Variants in LAT2 observed in about 807,000 individuals in gnomAD.
LAT2 encodes linker for activation of T-cells family member 2.
A neutral mutation model predicts 43.4 loss-of-function variants in LAT2; 23 were observed. The observed-to-expected ratio is 0.53, with a 90% CI of 0.38 to 0.75. The LOEUF (loss-of-function observed/expected upper bound fraction) is 0.75. Ranked by LOEUF, LAT2 falls within the 30% of genes least tolerant of loss-of-function variation. The probability of loss-of-function intolerance (pLI) is 0.00; values close to 1 mark genes in which losing one functional copy is unlikely to be tolerated. For missense variants in LAT2, 284 were observed against 310.2 expected, an observed-to-expected ratio of 0.92 and a Z score of 0.64; for synonymous variants, 128 against 123.2, an observed-to-expected ratio of 1.04 and a Z score of -0.26.
chr7:74,215,874 C>T, intron 2 of LAT2, 73 bp from the exon 3 acceptor site: 2 of 1,036,554 alleles, frequency 1.9e-6, no homozygotes, highest in Middle Eastern at 2.1e-4. Context: ...ATGGGGCTGT[C>T]CGAGCACAGT....
chr7:74,225,124 G>A (rs1563977241), intron 13 of LAT2: 1 of 169,808 alleles, frequency 5.9e-6, no homozygotes, highest in Non-Finnish European at 1.3e-5. Flanking sequence ...CGGGCACGGT[G>A]GCTCACGCCT....
intron 11 of LAT2, 65 bp from the exon 12 acceptor site, chr7:74,223,953 G>A: frequency 6.5e-7 from 1 of 1,544,186 alleles, no homozygotes; most frequent in Non-Finnish European, 8.8e-7. Context: ...CTCGGAGGCA[G>A]CTCTATTGGC....
chr7:74,221,494 A>C, intron 9 of LAT2, 143 bp from the exon 10 acceptor site: 1 of 469,254 alleles, frequency 2.1e-6, no homozygotes, highest in Non-Finnish European at 3.8e-6. Context: ...TGGGGGAATC[A>C]GAGAGGAGAT....
At position 74,220,739 on chromosome 7, in the gene LAT2, G is replaced by C; in HGVS notation, c.332+5G>C. 6.3e-7 allele frequency: 1 copy of C among 1,585,622 alleles called. No homozygotes were observed. The highest frequency in any genetic ancestry group is 8.6e-7 in the Non-Finnish European group (1 of 1,160,914). The stretch of plus-strand genomic sequence containing the variant: ...CGGGTCGGAGGAAGCCTACATGTGA[G>C]TGACCTTGATCCTGTCCCCCCTGCC... On this transcript the variant is annotated splice_donor_5th_base_variant and intron_variant, in intron 9 of 13. Transcript: ENST00000460943. The surrounding 1 kb of genome is among the most constrained non-coding windows in gnomAD (Gnocchi z 4.5).
intron 2 of LAT2, 92 bp from the exon 3 acceptor site, chr7:74,215,855 G>C: frequency 1.1e-6 from 1 of 874,908 alleles, no homozygotes; most frequent in South Asian, 1.3e-5. Flanking sequence ...CCGCAGCCTA[G>C]GCTCAGGTAT....
At position 74,224,691 on chromosome 7, in the gene LAT2, G is replaced by T; in HGVS notation, c.681G>T (p.Glu227Asp). 3 of 1,608,886 alleles carry T rather than the reference G, an allele frequency of 1.9e-6. No homozygotes were observed. Among genetic ancestry groups the T allele is most frequent in the Non-Finnish European group, 2.5e-6 (3 of 1,177,938 alleles). Residue 227 changes from glutamate (E) to aspartate (D), a missense_variant, in exon 13 of 14, where the codon GAG (glutamate) becomes GAT (aspartate). Coordinates refer to ENST00000460943, the MANE Select transcript of LAT2 (RefSeq NM_032464.3). ...SPGPVGSPDE[E>D]DGEPDYVNGE... is the part of the protein sequence containing the mutation. ...GCCCGGTGGGAAGCCCAGACGAGGAGGACGGGGAACCGGATTACGTGAATG... is the reference window on the plus strand; with the variant it reads ...GCCCGGTGGGAAGCCCAGACGAGGATGACGGGGAACCGGATTACGTGAATG...
chr7:74,218,935 T>A (rs1166664755), intron 4 of LAT2, among the ~76,000 whole-genome samples: 1 of 146,988 alleles, frequency 6.8e-6, no homozygotes, highest in Non-Finnish European at 1.5e-5. Context: ...CAACCTCAGG[T>A]GATTCGCCTG....
chr7:74,215,437 T>C (rs915443196), intron 2 of LAT2, among the ~76,000 whole-genome samples: 5 of 151,966 alleles, frequency 3.3e-5, no homozygotes, highest in Non-Finnish European at 7.4e-5. Context: ...GGCTTCCGGG[T>C]GCGTCTGCGT....
chr7:74,226,140 CT>C (rs1268800892), intron 13 of LAT2: 7,988 of 138,574 alleles, frequency 0.058, 579 homozygotes, highest in African/African-American at 0.18. Flanking sequence ...TCTACAAAAA[CT>C]TTTTTTTTTT....
chr7:74,228,153 G>GAGACAGAGCAAGACT, intron 13 of LAT2, among the ~76,000 whole-genome samples: 1 of 126,436 alleles, frequency 7.9e-6, no homozygotes, highest in Middle Eastern at 4.7e-3. Context: ...TCCAGCCTGG[G>GAGACAGAGCAAGACT]CAACTACGTC....
rs782258496 is a variant in LAT2, at chr7:74,224,697, G to A, written c.687G>A (p.Gly229=). The change falls in exon 13 of 14, where the codon GGG becomes GGA. Residue 229 remains glycine (G), a synonymous_variant. Coordinates refer to ENST00000460943, the MANE Select transcript of LAT2 (RefSeq NM_032464.3). ...TGGGAAGCCCAGACGAGGAGGACGG[G>A]GAACCGGATTACGTGAATGGGGAGG... The part of the protein sequence containing the change: ...GPVGSPDEED[G]EPDYVNGEVA... The A allele has an allele frequency of 4.4e-6, 7 of 1,608,144 alleles. No individual in the cohort carries two copies. Among genetic ancestry groups the A allele is most frequent in the South Asian group, 1.1e-5 (1 of 89,830 alleles).
At chr7:74,224,530 G>T in intron 12 of LAT2, 109 bp from the exon 13 acceptor site, 1 of 929,602 alleles carries the variant, frequency 1.1e-6, no homozygotes. Flanking sequence ...GTCGGGCGTG[G>T]CATTTCCCGC....
chr7:74,223,743 C>G lies in LAT2; in HGVS notation c.408C>G (p.Tyr136Ter). The change falls in exon 11 of 14, where the codon TAC becomes TAG. Residue 136 changes from tyrosine to a stop codon, truncating the protein, a stop_gained. Transcript: ENST00000460943. LOFTEE classifies it high-confidence loss of function. ...KPPEDDDANS[Y>*]ENVLICKQKT... ...CTGCAGATGATGATGCCAATTCCTA[C>G]GAGAATGTGCTCATTTGCAAGCAGA... is the stretch of plus-strand genomic sequence containing the variant. 2 of 1,613,954 alleles carry G rather than the reference C, an allele frequency of 1.2e-6. No homozygotes were observed. Among genetic ancestry groups the G allele is most frequent in the Non-Finnish European group, 1.7e-6 (2 of 1,179,954 alleles).
At chr7:74,219,193 C>T (rs964389077) in intron 4 of LAT2, among the ~76,000 whole-genome samples, 3 of 151,478 alleles carry the variant, frequency 2.0e-5, no homozygotes, top group South Asian at 2.1e-4. Context: ...CCCGCCACCG[C>T]GCCCGGCTAA....
intron 2 of LAT2, among the ~76,000 whole-genome samples, 161 bp from the exon 3 acceptor site, chr7:74,215,786 G>T (rs1321079203): frequency 2.6e-5 from 4 of 152,200 alleles, no homozygotes; most frequent in Non-Finnish European, 5.9e-5. Flanking sequence ...GTCACATGGG[G>T]TGAACAGGAC....
chr7:74,228,384 G>A (rs1380191236), intron 13 of LAT2, among the ~76,000 whole-genome samples: 2 of 151,454 alleles, frequency 1.3e-5, no homozygotes, highest in African/African-American at 2.4e-5. Flanking sequence ...GCTGAGGCAA[G>A]AGAATGGCGT....
chr7:74,223,697 C>A, intron 10 of LAT2, 27 bp from the exon 11 acceptor site: 1 of 1,610,402 alleles, frequency 6.2e-7, no homozygotes, highest in South Asian at 1.1e-5. Context: ...GCCCACACCC[C>A]CGTGCCCACT....
At chr7:74,211,485 C>T (rs781834319) in intron 1 of LAT2, among the ~76,000 whole-genome samples, 11 of 151,982 alleles carry the variant, frequency 7.2e-5, no homozygotes, top group Non-Finnish European at 1.3e-4. Flanking sequence ...TGGAGACAGT[C>T]TTGCTCTGTC....
intron 1 of LAT2, among the ~76,000 whole-genome samples, chr7:74,213,421 ATTTTTTT>A (rs1174359277): frequency 9.7e-6 from 1 of 103,330 alleles, no homozygotes; most frequent in African/African-American, 3.8e-5. Flanking sequence ...GTGCCCGGCC[ATTTTTTT>A]TTTTTTTTTT....
Sources: allele counts gnomAD v4.1 joint callset (sites outside exome capture counted in the v4.1 genomes callset), GRCh38; gene constraint gnomAD v4.1.1; non-coding constraint Gnocchi (gnomAD v3.1); transcripts MANE v1.5; gene names NCBI Gene and HGNC (gene_info 2026-07-23, HGNC 2026-07-21).